The following AQP2 variants were observed in gnomAD, a reference collection of about 807,000 sequenced individuals.
The protein encoded by AQP2 is aquaporin-2.
A neutral mutation model predicts 21.6 loss-of-function variants in AQP2; 20 were observed. The ratio of observed to expected loss-of-function variants is 0.92; its 90% CI spans 0.65 to 1.34. The LOEUF (loss-of-function observed/expected upper bound fraction) is 1.34, where lower values mean the gene tolerates loss of function less well. Among genes scored for constraint, AQP2 ranks in the 40% most tolerant of loss-of-function variants. The probability of loss-of-function intolerance (pLI) is 0.00; values close to 1 mark genes in which losing one functional copy is unlikely to be tolerated. For missense variants in AQP2, 325 were observed against 363.4 expected, an observed-to-expected ratio of 0.89 and a Z score of 0.86; for synonymous variants, 168 against 166.9, an observed-to-expected ratio of 1.01 and a Z score of -0.05.
rs1020045741 is a variant in AQP2 at position 49,956,786 on chromosome 12, G to A, written c.*1178G>A. On this transcript the variant is annotated 3_prime_UTR_variant, in exon 4 of 4. Transcript: ENST00000199280. ...CCCATCTCACTCTCCCCAGTCCTCA[G>A]GCAGCAGCTTTTCCACCCCAGGAAT... The A allele has an allele frequency of 6.6e-6, 1 of 152,418 alleles. No homozygotes were observed. The highest frequency in any genetic ancestry group is 1.5e-5 in the Non-Finnish European group (1 of 68,156). The allele number at this position is 152,418 out of a possible 1,614,324, so 9.4% of individuals were successfully genotyped here.
Position 49,954,321 on chromosome 12 carries a change from T to C in AQP2, c.525+2T>C. On this transcript the variant is annotated splice_donor_variant, in intron 2 of 3. Coordinates refer to ENST00000199280, the MANE Select transcript of AQP2 (RefSeq NM_000486.6). LOFTEE classifies it high-confidence loss of function. ...GTGGCCCTGGGCCACCTCCTTGGGGTAGGTCATGGCCATGGGTTCCAGCCT... is the reference window on the plus strand; with the variant it reads ...GTGGCCCTGGGCCACCTCCTTGGGGCAGGTCATGGCCATGGGTTCCAGCCT... 3.1e-6 allele frequency: 5 copies of C among 1,608,110 alleles called. No homozygotes were observed. Among genetic ancestry groups the C allele is most frequent in the Non-Finnish European group, 4.2e-6 (5 of 1,179,260 alleles).
intron 1 of AQP2, among the ~76,000 whole-genome samples, chr12:49,952,618 C>T (rs755295102): frequency 3.3e-5 from 5 of 152,196 alleles, no homozygotes; most frequent in Non-Finnish European, 5.9e-5. Flanking sequence ...GAGTGAAAGG[C>T]CATGGGAAAC....
At position 49,955,919 on chromosome 12, in the gene AQP2, A is replaced by C; in HGVS notation, c.*311A>C. 1.8e-6 allele frequency: 1 copy of C among 559,184 alleles called. No homozygotes were observed. The highest frequency in any genetic ancestry group is 3.1e-5 in the East Asian group (1 of 31,960). 34.6% of individuals were successfully genotyped at this position (559,184 alleles called of 1,614,324 possible). A position where few individuals can be genotyped will look rare whatever the true frequency, so the allele number is the denominator to read the frequency against. On this transcript the variant is annotated 3_prime_UTR_variant, in exon 4 of 4. Coordinates refer to ENST00000199280, the MANE Select transcript of AQP2 (RefSeq NM_000486.6). ...GAGGCAGGTGGGTGGTAAGAGGGAA[A>C]CTCTGGAGAGCCTGCACCCAGGTAC... is the stretch of plus-strand genomic sequence containing the variant.
chr12:49,955,536 G>A lies in AQP2; in HGVS notation c.744G>A (p.Glu248=), dbSNP rs1947361636. 1.2e-6 allele frequency: 2 copies of A among 1,610,062 alleles called. No homozygotes were observed. Among genetic ancestry groups the A allele is most frequent in the Non-Finnish European group, 1.7e-6 (2 of 1,179,210 alleles). ...TGGAGCCGGACACCGATTGGGAGGA[G>A]CGCGAGGTGCGACGGCGGCAGTCGG... ...KGLEPDTDWE[E]REVRRRQSVE... is the part of the protein sequence containing the mutation. The change falls in exon 4 of 4, where the codon GAG becomes GAA. Residue 248 remains glutamate (E), a synonymous_variant. Transcript: ENST00000199280.
chr12:49,957,177 CCAAAG>C lies in AQP2; in HGVS notation c.*1575_*1579del, dbSNP rs1428739112. Reference sequence around the variant, plus strand: ...ATCCCTTACCTCCTTTCGTTGATGGCCAAAGCAAAGGAGAGTCCTGGGAGCCCACA... The same window carrying C: ...ATCCCTTACCTCCTTTCGTTGATGGCCAAAGGAGAGTCCTGGGAGCCCACA... On this transcript the variant is annotated 3_prime_UTR_variant, in exon 4 of 4. Transcript: ENST00000199280. 1 of 152,322 alleles carries C rather than the reference CCAAAG, an allele frequency of 6.6e-6. No homozygotes were observed. Among genetic ancestry groups the C allele is most frequent in the East Asian group, 1.9e-4 (1 of 5,196 alleles). 9.4% of individuals were successfully genotyped at this position (152,322 alleles called of 1,614,324 possible).
intron 2 of AQP2, 59 bp downstream of exon 2, chr12:49,954,378 G>C: frequency 6.5e-7 from 1 of 1,550,300 alleles, no homozygotes; most frequent in Admixed American, 1.8e-5. Flanking sequence ...GACCACTCCA[G>C]AGACAGACAC....
intron 3 of AQP2, 89 bp from the exon 4 acceptor site, chr12:49,955,310 T>G: frequency 4.7e-6 from 6 of 1,287,818 alleles, no homozygotes; most frequent in Non-Finnish European, 4.3e-6. Flanking sequence ...GGAGGAGAGG[T>G]GCGGCCGCAG....
chr12:49,954,135 C>T lies in AQP2; in HGVS notation c.361-20C>T, dbSNP rs368574647. 1.8e-5 allele frequency: 29 copies of T among 1,597,664 alleles called. No individual in the cohort carries two copies. The highest frequency in any genetic ancestry group is 9.4e-5 in the African/African-American group (7 of 74,862). On this transcript the variant is annotated intron_variant, in intron 1 of 3. Coordinates refer to ENST00000199280, the MANE Select transcript of AQP2 (RefSeq NM_000486.6). Reference sequence around the variant, plus strand: ...AAAGTGGGCTCAGTGTTCCCCTACCCGCCTCTTCTCTGTCCCCAGCTCAGC... The same window carrying T: ...AAAGTGGGCTCAGTGTTCCCCTACCTGCCTCTTCTCTGTCCCCAGCTCAGC...
At chr12:49,954,890 A>C (rs924726126) in intron 3 of AQP2, among the ~76,000 whole-genome samples, 180 bp downstream of exon 3, 1 of 152,138 alleles carries the variant, frequency 6.6e-6, no homozygotes, top group African/African-American at 2.4e-5. Context: ...CTCAGTTTCC[A>C]CGTCTGTGAA....
chr12:49,951,070 C>A lies in AQP2; in HGVS notation c.240C>A (p.His80Gln). 1 of 1,612,094 alleles carries A rather than the reference C, an allele frequency of 6.2e-7. No individual in the cohort carries two copies. The highest frequency in any genetic ancestry group is 8.5e-7 in the Non-Finnish European group (1 of 1,178,574). Residue 80 changes from histidine (H) to glutamine (Q), a missense_variant, in exon 1 of 4, where the codon CAC becomes CAA. Transcript: ENST00000199280. ...CTGTGGCCTGCCTGGTGGGCTGCCACGTCTCCGTTCTCCGAGCCGCCTTCT... is the reference window on the plus strand; with the variant it reads ...CTGTGGCCTGCCTGGTGGGCTGCCAAGTCTCCGTTCTCCGAGCCGCCTTCT... ...AVTVACLVGC[H>Q]VSVLRAAFYV...
In AQP2 at chr12:49,954,808, ACCCCAAACCCT is replaced by A. The variant is rs1947354763; in HGVS notation, c.606+101_606+111del. ...CATGGGATGGGGGCTCAGCAGCGGTACCCCAAACCCTCCACACTCCTCCTGGTCCTGGGGAG... is the reference window on the plus strand; with the variant it reads ...CATGGGATGGGGGCTCAGCAGCGGTACCACACTCCTCCTGGTCCTGGGGAG... On this transcript the variant is annotated intron_variant, in intron 3 of 3. Coordinates refer to ENST00000199280, the MANE Select transcript of AQP2 (RefSeq NM_000486.6). 3 of 1,368,704 alleles carry A rather than the reference ACCCCAAACCCT, an allele frequency of 2.2e-6. No individual in the cohort carries two copies. In the Admixed American group the frequency reaches 5.1e-5, roughly 23 times the overall value. The allele number at this position is 1,368,704 out of a possible 1,614,324, so 84.8% of individuals were successfully genotyped here.
chr12:49,954,800 GCAGCGGTACCC>G, intron 3 of AQP2, 90 bp downstream of exon 3: 1 of 1,446,704 alleles, frequency 6.9e-7, no homozygotes, highest in Admixed American at 1.7e-5. Flanking sequence ...TGGGGGCTCA[GCAGCGGTACCC>G]CAAACCCTCC....
At chr12:49,954,029 A>G in intron 1 of AQP2, 126 bp from the exon 2 acceptor site, 1 of 1,347,590 alleles carries the variant, frequency 7.4e-7, no homozygotes, top group Non-Finnish European at 1.0e-6. Flanking sequence ...GGCGTCTGGC[A>G]AGCCCAGGTG....
chr12:49,954,241 C>T lies in AQP2; in HGVS notation c.447C>T (p.Thr149=), dbSNP rs369985708. ...TGGTGCTCTGCATCTTCGCCTCCAC[C>T]GATGAGCGCCGCGGAGAGAACCCGG... ...LQLVLCIFAS[T]DERRGENPGT... is the part of the protein sequence containing the mutation. The change falls in exon 2 of 4, where the codon ACC becomes ACT. Residue 149 remains threonine, a synonymous_variant. Coordinates refer to ENST00000199280, the MANE Select transcript of AQP2 (RefSeq NM_000486.6). 22 of 1,606,076 alleles carry T rather than the reference C, an allele frequency of 1.4e-5. No individual in the cohort carries two copies. The East Asian group carries it at 2.0e-4, about 15-fold the overall frequency.
rs1369974245 is a variant in AQP2 at position 49,954,280 on chromosome 12, C to T, written c.486C>T (p.Leu162=). The T allele has an allele frequency of 6.2e-7, 1 of 1,609,526 alleles. No individual in the cohort carries two copies. The highest frequency in any genetic ancestry group is 1.7e-5 in the Admixed American group (1 of 60,018). The change falls in exon 2 of 4, where the codon CTC becomes CTT. Residue 162 remains leucine (L), a synonymous_variant. Coordinates refer to ENST00000199280, the MANE Select transcript of AQP2 (RefSeq NM_000486.6). ...RRGENPGTPA[L]SIGFSVALGH... is the part of the protein sequence containing the mutation. ...GAGAGAACCCGGGCACCCCTGCTCT[C>T]TCCATAGGCTTCTCTGTGGCCCTGG...
chr12:49,954,362 C>G, intron 2 of AQP2, 43 bp downstream of exon 2: 1 of 1,575,130 alleles, frequency 6.3e-7, no homozygotes, highest in Non-Finnish European at 8.6e-7. Context: ...GAGGAACAGA[C>G]ACACAGACCA....
In AQP2 at chr12:49,954,752, C is replaced by G. The variant is rs145912222; in HGVS notation, c.606+42C>G. On this transcript the variant is annotated intron_variant, in intron 3 of 3. Transcript: ENST00000199280. ...CCTGCCCTCCCCTTCTCTAGAAACC[C>G]ATTTTAGAGGGAGAACAAGAGCTGG... is the stretch of plus-strand genomic sequence containing the variant. 5 of 1,581,860 alleles carry G rather than the reference C, an allele frequency of 3.2e-6. No individual in the cohort carries two copies. The African/African-American group carries it at 5.4e-5, about 17-fold the overall frequency.
At position 49,957,659 on chromosome 12, in the gene AQP2, A is replaced by G; in HGVS notation, c.*2051A>G. ...GCCCTGGGCCATATGTGCTATGGAG[A>G]GGACTCTCCCAAACCCCCAATAGCT... On this transcript the variant is annotated 3_prime_UTR_variant, in exon 4 of 4. Transcript: ENST00000199280. 1 of 152,308 alleles carries G rather than the reference A, an allele frequency of 6.6e-6. No homozygotes were observed. Among genetic ancestry groups the G allele is most frequent in the Middle Eastern group, 3.4e-3 (1 of 296 alleles). The allele number at this position is 152,308 out of a possible 1,614,324, so 9.4% of individuals were successfully genotyped here.
At chr12:49,952,840 AG>A (rs1592815599) in intron 1 of AQP2, among the ~76,000 whole-genome samples, 1 of 152,206 alleles carries the variant, frequency 6.6e-6, no homozygotes, top group Non-Finnish European at 1.5e-5. Flanking sequence ...GTGTCCTTTG[AG>A]GACACTGAGA....
Sources: allele counts gnomAD v4.1 joint callset (sites outside exome capture counted in the v4.1 genomes callset), GRCh38; gene constraint gnomAD v4.1.1; transcripts MANE v1.5; gene names NCBI Gene and HGNC (gene_info 2026-07-23, HGNC 2026-07-21).